Variants in SCRG1 observed in about 807,000 individuals in gnomAD.
SCRG1 encodes the protein scrapie-responsive protein 1.
In SCRG1, 3 loss-of-function variants were observed where a neutral mutation model predicts 7.7. The observed-to-expected ratio is 0.39, with a 90% CI of 0.18 to 1.01. The LOEUF (loss-of-function observed/expected upper bound fraction) is 1.01. Ranked by LOEUF, SCRG1 falls within the 50% of genes least tolerant of loss-of-function variation. The pLI is 0.36. For missense variants in SCRG1, 110 were observed against 117.2 expected (o/e 0.94, Z 0.28); for synonymous variants, 46 against 41.2 (o/e 1.12, Z -0.44).
the SCRG1 span, among the ~76,000 whole-genome samples, chr4:173,510,076 T>C: frequency 3.8e-3 from 573 of 152,328 alleles, 1 homozygote; most frequent in African/African-American, 0.013. This position sits in a 1 kb window ranked among gnomAD's most constrained non-coding sequence, Gnocchi z 5.7. Context: ...CTGGTAATGC[T>C]TCTCTCATGC....
At chr4:173,427,517 C>T in the SCRG1 span, among the ~76,000 whole-genome samples, 212 of 152,296 alleles carry the variant, frequency 1.4e-3, no homozygotes, top group African/African-American at 4.6e-3. Flanking sequence ...GAGTCCAATG[C>T]GAATGCCGTG....
the SCRG1 span, among the ~76,000 whole-genome samples, chr4:173,434,344 G>A: frequency 5.3e-5 from 8 of 152,064 alleles, no homozygotes; most frequent in Non-Finnish European, 1.0e-4. Flanking sequence ...TTATGTTATT[G>A]CACAAGTTTA....
At chr4:173,390,207 C>A (rs1262550064) in intron 2 of SCRG1, among the ~76,000 whole-genome samples, 2 of 151,946 alleles carry the variant, frequency 1.3e-5, no homozygotes, top group African/African-American at 4.8e-5. Context: ...CCATGCCTGG[C>A]TAATTTTTTT....
the SCRG1 span, among the ~76,000 whole-genome samples, chr4:173,465,249 A>G: frequency 6.6e-6 from 1 of 152,222 alleles, no homozygotes; most frequent in Non-Finnish European, 1.5e-5. Flanking sequence ...AAATGTTATG[A>G]ATATTAAACC....
the SCRG1 span, among the ~76,000 whole-genome samples, chr4:173,510,188 C>A: frequency 7.9e-5 from 12 of 152,086 alleles, no homozygotes; most frequent in Non-Finnish European, 1.6e-4. This position sits in a 1 kb window ranked among gnomAD's most constrained non-coding sequence, Gnocchi z 5.7. Flanking sequence ...GGGGTGTAAT[C>A]CAGGATCTGG....
upstream of SCRG1, among the ~76,000 whole-genome samples, chr4:173,408,448 C>T (rs1039344285): frequency 6.6e-6 from 1 of 152,098 alleles, no homozygotes; most frequent in Admixed American, 6.5e-5. Context: ...GTTAGTGACT[C>T]GTGTTGATTG....
chr4:173,513,634 A>C, the SCRG1 span, among the ~76,000 whole-genome samples: 1 of 152,220 alleles, frequency 6.6e-6, no homozygotes, highest in South Asian at 2.1e-4. Flanking sequence ...TTGTATGCTT[A>C]GCTTAGCAAA....
the SCRG1 span, among the ~76,000 whole-genome samples, chr4:173,509,512 G>T: frequency 6.6e-6 from 1 of 152,186 alleles, no homozygotes; most frequent in South Asian, 2.1e-4. The surrounding 1 kb of genome is among the most constrained non-coding windows in gnomAD (Gnocchi z 5.7). Context: ...GGGCGGTAGC[G>T]GGACCTGCGC....
At chr4:173,426,952 G>A in the SCRG1 span, among the ~76,000 whole-genome samples, 1 of 152,206 alleles carries the variant, frequency 6.6e-6, no homozygotes, top group Non-Finnish European at 1.5e-5. Context: ...ATGTATTTGT[G>A]AGGAGGAGGA....
At chr4:173,402,466 AAC>A (rs1259349247), upstream of SCRG1, among the ~76,000 whole-genome samples, 3 of 151,808 alleles carry the variant, frequency 2.0e-5, no homozygotes, top group Middle Eastern at 3.4e-3. Flanking sequence ...AAAAAAAAAA[AAC>A]CTCCCAAAAT....
chr4:173,504,179 A>C, the SCRG1 span, among the ~76,000 whole-genome samples: 1 of 152,100 alleles, frequency 6.6e-6, no homozygotes, highest in Non-Finnish European at 1.5e-5. This position sits in a 1 kb window ranked among gnomAD's most constrained non-coding sequence, Gnocchi z 4.7. Context: ...TTTTCATTTG[A>C]ATCCATTTCT....
chr4:173,500,619 A>G, the SCRG1 span, among the ~76,000 whole-genome samples: 1 of 152,084 alleles, frequency 6.6e-6, no homozygotes, highest in African/African-American at 2.4e-5. Flanking sequence ...AGCTTGGACT[A>G]CAGGCCTCCG....
At chr4:173,473,340 C>T in the SCRG1 span, among the ~76,000 whole-genome samples, 1 of 152,070 alleles carries the variant, frequency 6.6e-6, no homozygotes, top group Non-Finnish European at 1.5e-5. Context: ...TAGCCTAGAG[C>T]AGTCCTCTTT....
At chr4:173,505,756 A>G in the SCRG1 span, among the ~76,000 whole-genome samples, 2 of 152,228 alleles carry the variant, frequency 1.3e-5, no homozygotes, top group Non-Finnish European at 2.9e-5. The surrounding 1 kb of genome is among the most constrained non-coding windows in gnomAD (Gnocchi z 4.4). Flanking sequence ...GATGAGAAAG[A>G]AGGCGTGAAG....
chr4:173,511,967 A>G, the SCRG1 span, among the ~76,000 whole-genome samples: 1 of 152,198 alleles, frequency 6.6e-6, no homozygotes, highest in East Asian at 1.9e-4. The surrounding 1 kb of genome is among the most constrained non-coding windows in gnomAD (Gnocchi z 5.2). Flanking sequence ...GTCCAAGTCT[A>G]CTCATGGTCA....
the SCRG1 span, among the ~76,000 whole-genome samples, chr4:173,472,074 A>G: frequency 1.3e-5 from 2 of 152,220 alleles, no homozygotes; most frequent in African/African-American, 4.8e-5. Context: ...TCTTTTTCTT[A>G]CCATTTCTTC....
chr4:173,488,471 G>T, the SCRG1 span, among the ~76,000 whole-genome samples: 2 of 152,146 alleles, frequency 1.3e-5, no homozygotes, highest in East Asian at 3.8e-4. Context: ...TTCACTCAAA[G>T]AACAAAAGGC....
the SCRG1 span, among the ~76,000 whole-genome samples, chr4:173,417,978 C>A: frequency 0.062 from 9,438 of 152,164 alleles, 411 homozygotes; most frequent in Non-Finnish European, 0.088. Context: ...CAAATATTTA[C>A]TTCTTGCTCA....
At chr4:173,417,340 G>T in the SCRG1 span, among the ~76,000 whole-genome samples, 1 of 152,096 alleles carries the variant, frequency 6.6e-6, no homozygotes, top group African/African-American at 2.4e-5. Context: ...TTATAGATTA[G>T]GAATGTATGC....
Sources: allele counts gnomAD v4.1 joint callset (sites outside exome capture counted in the v4.1 genomes callset), GRCh38; gene constraint gnomAD v4.1.1; non-coding constraint Gnocchi (gnomAD v3.1); transcripts MANE v1.5; gene names NCBI Gene and HGNC (gene_info 2026-07-23, HGNC 2026-07-21).